Variants in KIF26B observed in about 807,000 individuals in gnomAD.
KIF26B encodes kinesin family member 26B.
A neutral mutation model predicts 151.2 loss-of-function variants in KIF26B; 63 were observed. The observed-to-expected ratio is 0.42, with a 90% confidence interval of 0.34 to 0.51. KIF26B has a LOEUF of 0.51. KIF26B is among the 20% of genes least tolerant of loss of function. The pLI is 0.07. For synonymous variants in KIF26B, 1,357 were observed against 1,262.1 expected, an observed-to-expected ratio of 1.08 and a Z score of -1.59; for missense variants, 2,813 against 2,913.6, an observed-to-expected ratio of 0.97 and a Z score of 0.79.
intron 2 of KIF26B, among the ~76,000 whole-genome samples, chr1:245,294,052 T>A (rs1573757793): frequency 6.6e-6 from 1 of 152,234 alleles, no homozygotes; most frequent in East Asian, 1.9e-4. Flanking sequence ...TGTTTTGAGT[T>A]CTTCCTTTAA....
rs4658757 is a variant in KIF26B, at chr1:245,367,558, A to C, written c.999+191A>C. Among the ~76,000 whole-genome samples, 6,831 of 152,292 alleles carry C rather than the reference A, an allele frequency of 0.045. 445 individuals carry two copies. Among genetic ancestry groups the C allele is most frequent in the East Asian group, 0.26 (1,338 of 5,168 alleles). ...GCCTGCTTTGAGAGGGTGTTGCTAC[A>C]TCTTCCAAACTTTCCACACCTGCCC... On this transcript the variant is annotated intron_variant, in intron 3 of 14. Coordinates refer to ENST00000407071, the MANE Select transcript of KIF26B (RefSeq NM_018012.4). This position sits in a 1 kb window ranked among gnomAD's most constrained non-coding sequence, Gnocchi z 4.2.
chr1:245,198,965 T>A, intron 2 of KIF26B, among the ~76,000 whole-genome samples: 1 of 151,634 alleles, frequency 6.6e-6, no homozygotes, highest in Non-Finnish European at 1.5e-5. Flanking sequence ...CGGGAGAGTG[T>A]GGCCGCTGAG....
In KIF26B at chr1:245,318,883, A is replaced by G. The variant is rs1322224553; in HGVS notation, c.466-47951A>G. On this transcript the variant is annotated intron_variant, in intron 2 of 14. Coordinates refer to ENST00000407071, the MANE Select transcript of KIF26B (RefSeq NM_018012.4). The surrounding 1 kb of genome is among the most constrained non-coding windows in gnomAD (Gnocchi z 4.0). ...AAATCAGCCTGAGCCAAGATTGATG[A>G]GGAAAAAAAAACAAAAACCAAAATC... is the stretch of plus-strand genomic sequence containing the variant. Among the ~76,000 whole-genome samples, 1 of 87,900 alleles carries G rather than the reference A, an allele frequency of 1.1e-5. No homozygotes were observed. Among genetic ancestry groups the G allele is most frequent in the African/African-American group, 6.9e-5 (1 of 14,516 alleles). 57.7% of individuals were successfully genotyped at this position (87,900 alleles called of 152,430 possible).
At position 245,316,845 on chromosome 1, in the gene KIF26B, A is replaced by ACCCC. The variant is rs1671787904; in HGVS notation, c.466-49988_466-49987insCCCC. 5.3e-5 allele frequency among the ~76,000 whole-genome samples: 8 copies of ACCCC among 150,326 alleles called. No individual in the cohort carries two copies. In the South Asian group the frequency reaches 1.7e-3, roughly 32 times the overall value. On this transcript the variant is annotated intron_variant, in intron 2 of 14. Transcript: ENST00000407071. ...AACCAGAACTAGTTCAAGGACCCTC[A>ACCCC]CAATCACCTTCAAGGGACAAAAACC...
chr1:245,582,480 A>G (rs2043185506), intron 5 of KIF26B, among the ~76,000 whole-genome samples: 1 of 152,166 alleles, frequency 6.6e-6, no homozygotes, highest in East Asian at 1.9e-4. Flanking sequence ...TAAGTGCTGA[A>G]ATATGTTTCA....
In KIF26B at chr1:245,557,043, G is replaced by T. The variant is rs140865149; in HGVS notation, c.1350+16093G>T. The stretch of plus-strand genomic sequence containing the variant: ...ACATCTGTCTCCATCTGTGCCAGGT[G>T]CTAACTTCCTGTGTCGCCCAGGAAC... On this transcript the variant is annotated intron_variant, in intron 5 of 14. Coordinates refer to ENST00000407071, the MANE Select transcript of KIF26B (RefSeq NM_018012.4). Among the ~76,000 whole-genome samples, 8 of 152,296 alleles carry T rather than the reference G, an allele frequency of 5.3e-5. 1 individual carries two copies. The highest frequency in any genetic ancestry group is 1.9e-4 in the African/African-American group (8 of 41,566).
rs1659286815 is a variant in KIF26B at position 245,448,030 on chromosome 1, C to T, written c.1166+28285C>T. On this transcript the variant is annotated intron_variant, in intron 4 of 14. Transcript: ENST00000407071. ...GGGTGAAGCCAAGAACTCTTGTGGG[C>T]TACGCCCCACTTTGGGGCTCACATG... 2.0e-5 allele frequency among the ~76,000 whole-genome samples: 3 copies of T among 152,358 alleles called. No individual in the cohort carries two copies. The South Asian group carries it at 6.2e-4, about 32-fold the overall frequency.
intron 2 of KIF26B, among the ~76,000 whole-genome samples, chr1:245,338,132 C>T (rs180683653): frequency 2.6e-4 from 40 of 152,258 alleles, no homozygotes; most frequent in African/African-American, 8.7e-4. Context: ...TCGTAGTAGA[C>T]GCTGAATCAT....
At chr1:245,413,387 G>A (rs1315289717) in intron 3 of KIF26B, among the ~76,000 whole-genome samples, 2 of 152,220 alleles carry the variant, frequency 1.3e-5, no homozygotes, top group Admixed American at 6.5e-5. Flanking sequence ...TCTTGGCCAG[G>A]TGCGGTGGCT....
chr1:245,160,652 T>C (rs1573679640), intron 2 of KIF26B, among the ~76,000 whole-genome samples: 2 of 149,110 alleles, frequency 1.3e-5, no homozygotes. Flanking sequence ...AAATCTTTTA[T>C]GTAAAAAAAA....
intron 2 of KIF26B, among the ~76,000 whole-genome samples, chr1:245,161,914 G>C (rs1451140118): frequency 2.0e-5 from 3 of 152,158 alleles, no homozygotes; most frequent in Non-Finnish European, 4.4e-5. Flanking sequence ...GAGGTTGGGG[G>C]AAAGTATGTG....
chr1:245,350,709 AT>A (rs1168317838), intron 2 of KIF26B, among the ~76,000 whole-genome samples: 1 of 152,112 alleles, frequency 6.6e-6, no homozygotes, highest in Non-Finnish European at 1.5e-5. Context: ...GATCCCAGGT[AT>A]GGTCTCTGGG....
intron 2 of KIF26B, among the ~76,000 whole-genome samples, chr1:245,354,511 C>A (rs888276769): frequency 3.9e-5 from 6 of 152,212 alleles, no homozygotes; most frequent in African/African-American, 1.4e-4. Flanking sequence ...ACACTGTCAG[C>A]GGCGCCTCTG....
At chr1:245,356,447 C>A (rs376896432) in intron 2 of KIF26B, among the ~76,000 whole-genome samples, 1 of 151,968 alleles carries the variant, frequency 6.6e-6, no homozygotes, top group South Asian at 2.1e-4. Flanking sequence ...TCCCAAGGTA[C>A]TGGGGAGGCT....
At chr1:245,282,801 ACT>A (rs1399520158) in intron 2 of KIF26B, 2 of 152,780 alleles carry the variant, frequency 1.3e-5, no homozygotes, top group African/African-American at 5.7e-5. Context: ...TGCCTATTAA[ACT>A]CTCCGCTCCT....
At chr1:245,243,750 C>A (rs1174693708) in intron 2 of KIF26B, among the ~76,000 whole-genome samples, 8 of 152,018 alleles carry the variant, frequency 5.3e-5, no homozygotes, top group Non-Finnish European at 1.0e-4. Context: ...ACTCGGGAGG[C>A]TGAGGCAGGA....
At chr1:245,182,450 C>CCATT (rs1393856107) in intron 2 of KIF26B, among the ~76,000 whole-genome samples, 4 of 152,128 alleles carry the variant, frequency 2.6e-5, no homozygotes, top group African/African-American at 9.7e-5. Context: ...TATAAACATA[C>CCATT]CACATGCTGT....
chr1:245,504,782 G>A (rs1381096965), intron 4 of KIF26B, among the ~76,000 whole-genome samples: 1 of 151,932 alleles, frequency 6.6e-6, no homozygotes, highest in African/African-American at 2.4e-5. Flanking sequence ...TAAAATTGTA[G>A]CCGTGGTCAG....
intron 4 of KIF26B, among the ~76,000 whole-genome samples, chr1:245,430,309 A>C (rs1658747068): frequency 6.6e-6 from 1 of 151,764 alleles, no homozygotes; most frequent in South Asian, 2.1e-4. Context: ...TTCTACCACC[A>C]CCCTAATACA....
Sources: allele counts gnomAD v4.1 joint callset (sites outside exome capture counted in the v4.1 genomes callset), GRCh38; gene constraint gnomAD v4.1.1; non-coding constraint Gnocchi (gnomAD v3.1); transcripts MANE v1.5; gene names NCBI Gene and HGNC (gene_info 2026-07-23, HGNC 2026-07-21).